The following NVL variants were observed in gnomAD, a reference collection of about 807,000 sequenced individuals.
NVL encodes the protein nuclear valosin-containing protein-like.
NVL carries 84 observed loss-of-function variants against 110.2 expected under a neutral mutation model. The ratio of observed to expected loss-of-function variants is 0.76; its 90% CI spans 0.64 to 0.91. The LOEUF is 0.91. NVL is among the 40% of genes least tolerant of loss of function. The pLI, the probability that NVL is intolerant of heterozygous loss-of-function variation, is 0.00. For missense variants in NVL, 882 were observed against 1,035.9 expected (o/e 0.85, Z 2.04); for synonymous variants, 354 against 361.1 (o/e 0.98, Z 0.22).
rs545128760 is a variant in NVL, at chr1:224,327,698, G to T, written c.58-1234C>A. On this transcript the variant is annotated intron_variant, in intron 1 of 22. Transcript: ENST00000281701. Reference sequence around the variant, plus strand: ...GGATATTCATTTGTACTTTTATAATGAACCAAAGTGAAAGCTATAGAGGAA... The same window carrying T: ...GGATATTCATTTGTACTTTTATAATTAACCAAAGTGAAAGCTATAGAGGAA... 1.3e-4 allele frequency among the ~76,000 whole-genome samples: 19 copies of T among 151,558 alleles called. No individual in the cohort carries two copies. The South Asian group carries it at 4.0e-3, about 32-fold the overall frequency.
intron 12 of NVL, among the ~76,000 whole-genome samples, chr1:224,293,293 T>C (rs1188975325): frequency 2.0e-5 from 3 of 151,114 alleles, no homozygotes; most frequent in African/African-American, 7.3e-5. Flanking sequence ...ATGGTCTCAA[T>C]CTCCTGACCT....
At chr1:224,244,092 G>A (rs1301272491) in intron 19 of NVL, among the ~76,000 whole-genome samples, 2 of 151,914 alleles carry the variant, frequency 1.3e-5, no homozygotes, top group East Asian at 3.9e-4. Context: ...TGGGGGCCGG[G>A]CGTGGTGGCT....
rs1571995611 is a variant in NVL at position 224,299,431 on chromosome 1, G to C, written c.1062+1131C>G. Among the ~76,000 whole-genome samples, 6 of 152,226 alleles carry C rather than the reference G, an allele frequency of 3.9e-5. 1 individual carries two copies. The highest frequency in any genetic ancestry group is 3.9e-4 in the Admixed American group (6 of 15,280). ...GTTTCCTGATCCACATGCTTTACTGGACTCATTCTCATTAGCGAAGAGGGG... is the reference window on the plus strand; with the variant it reads ...GTTTCCTGATCCACATGCTTTACTGCACTCATTCTCATTAGCGAAGAGGGG... On this transcript the variant is annotated intron_variant, in intron 10 of 22. Transcript: ENST00000281701.
At chr1:224,274,426 C>T (rs1237933629) in intron 17 of NVL, among the ~76,000 whole-genome samples, 1 of 151,574 alleles carries the variant, frequency 6.6e-6, no homozygotes, top group Non-Finnish European at 1.5e-5. Context: ...CACCTGAGGT[C>T]AGGAGTTCAA....
At chr1:224,243,299 A>C (rs1300387674) in intron 19 of NVL, among the ~76,000 whole-genome samples, 2 of 150,948 alleles carry the variant, frequency 1.3e-5, no homozygotes, top group Admixed American at 1.3e-4. Flanking sequence ...GTTTCTACAA[A>C]AAAAAAAAAA....
intron 1 of NVL, among the ~76,000 whole-genome samples, chr1:224,329,418 G>A (rs1409925834): frequency 1.3e-5 from 2 of 152,080 alleles, no homozygotes; most frequent in Non-Finnish European, 2.9e-5. Flanking sequence ...AGGAAAAGAT[G>A]GGTCCGAAAA....
intron 10 of NVL, among the ~76,000 whole-genome samples, chr1:224,299,185 A>T: frequency 6.6e-6 from 1 of 152,154 alleles, no homozygotes; most frequent in Middle Eastern, 3.2e-3. Flanking sequence ...TCCTTATGAC[A>T]ATGTTTGCAA....
intron 18 of NVL, among the ~76,000 whole-genome samples, chr1:224,252,730 C>G (rs913123862): frequency 3.3e-5 from 5 of 152,152 alleles, no homozygotes; most frequent in African/African-American, 9.7e-5. Flanking sequence ...CATACTAGAG[C>G]ATGGTTCAAC....
At chr1:224,289,311 C>T (rs754778069) in intron 13 of NVL, 173 bp downstream of exon 13, 1 of 567,648 alleles carries the variant, frequency 1.8e-6, no homozygotes, top group Non-Finnish European at 2.9e-6. Flanking sequence ...AAACATAAAA[C>T]AACTCATATT....
chr1:224,245,947 G>A (rs1316616098), intron 19 of NVL, among the ~76,000 whole-genome samples: 1 of 151,578 alleles, frequency 6.6e-6, no homozygotes, highest in South Asian at 2.1e-4. Flanking sequence ...TGTCTTTTTT[G>A]ATTTTTTTCT....
intron 15 of NVL, 90 bp from the exon 16 acceptor site, chr1:224,281,275 C>T (rs935693634): frequency 1.1e-5 from 10 of 926,954 alleles, no homozygotes; most frequent in Non-Finnish European, 1.7e-5. Context: ...AATGAAAGGA[C>T]TCTGTGTGCG....
At chr1:224,283,559 G>A (rs115030408) in intron 15 of NVL, among the ~76,000 whole-genome samples, 124 of 152,278 alleles carry the variant, frequency 8.1e-4, no homozygotes, top group African/African-American at 2.8e-3. Flanking sequence ...CAGTAGTGGG[G>A]AGAAGAAGAG....
At chr1:224,298,357 G>T in intron 10 of NVL, 1 of 189,938 alleles carries the variant, frequency 5.3e-6, no homozygotes, top group South Asian at 1.1e-4. Context: ...TTGTTGTAAA[G>T]AAACAAGTTA....
At chr1:224,250,518 T>C (rs10916562) in intron 18 of NVL, among the ~76,000 whole-genome samples, 200 bp from the exon 19 acceptor site, 148,113 of 152,144 alleles carry the variant, frequency 0.97, 72,205 homozygotes, top group East Asian at 1. Context: ...ATGCATGCTA[T>C]CATGCCTGGC....
rs374189862 is a variant in NVL, at chr1:224,281,168, G to A, written c.1917C>T (p.Ser639=). The change falls in exon 16 of 23, where the codon TCC becomes TCT. Residue 639 remains serine, a synonymous_variant. Transcript: ENST00000281701. ...TLLAKAVANE[S]GLNFISVKGP... ...CCTTGACAGATATAAAATTTAGTCC[G>A]GACTCATTTGCAACAGCCTAGCAAG... 15 of 1,613,428 alleles carry A rather than the reference G, an allele frequency of 9.3e-6. No homozygotes were observed. In the African/African-American group the frequency reaches 1.5e-4, roughly 16 times the overall value.
rs554281854 is a variant in NVL, at chr1:224,317,714, T to C, written c.264A>G (p.Arg88=). Residue 88 remains arginine, a synonymous_variant, in exon 4 of 23, where the codon AGA becomes AGG. Transcript: ENST00000281701. ...LEDEHLAKRA[R]QGEEDNEYTE... ...CTTACTCATTATCCTCTTCACCTTGTCTTGCCCTTTTTGCCAAATGTTCAT... is the reference window on the plus strand; with the variant it reads ...CTTACTCATTATCCTCTTCACCTTGCCTTGCCCTTTTTGCCAAATGTTCAT... 1.8e-5 allele frequency: 29 copies of C among 1,603,210 alleles called. No homozygotes were observed. The highest frequency in any genetic ancestry group is 1.2e-4 in the Admixed American group (7 of 59,974).
intron 19 of NVL, among the ~76,000 whole-genome samples, chr1:224,238,288 C>T (rs1372022711): frequency 2.0e-5 from 3 of 152,146 alleles, no homozygotes; most frequent in African/African-American, 7.2e-5. Flanking sequence ...CCGCCTTGGC[C>T]ACCCGAAGTG....
Position 224,286,052 on chromosome 1 carries a change from CAGGAGGACCAGCA to C in NVL, c.1860_1872del (p.Gly622ValfsTer16). 6.2e-7 allele frequency: 1 copy of C among 1,613,958 alleles called. No homozygotes were observed. Among genetic ancestry groups the C allele is most frequent in the Non-Finnish European group, 8.5e-7 (1 of 1,179,952 alleles). On this transcript the variant is annotated frameshift_variant, in exon 15 of 23. Transcript: ENST00000281701. LOFTEE classifies it high-confidence loss of function. ...TTCGCCAGCAGAGTCTTCCCACAGC[CAGGAGGACCAGCA>C]AGGAGGACCCCAGCTGGAGTCACCA...
intron 16 of NVL, among the ~76,000 whole-genome samples, chr1:224,275,959 G>A (rs1343262435): frequency 6.6e-6 from 1 of 152,042 alleles, no homozygotes; most frequent in East Asian, 1.9e-4. Context: ...AGCCAACTAG[G>A]CACTTAACAG....
Sources: gnomAD v4.1 joint callset for allele counts (sites outside exome capture counted in the v4.1 genomes callset) on GRCh38, gnomAD v4.1.1 for gene constraint, MANE v1.5 for transcripts, NCBI Gene and HGNC (gene_info 2026-07-23, HGNC 2026-07-21) for gene names.